Variants in DTNA observed in about 807,000 individuals in gnomAD.
The protein encoded by DTNA is dystrophin-related protein 3.
Under a neutral mutation model 100.7 loss-of-function variants are expected in DTNA, and 43 were observed. That is an observed-to-expected ratio of 0.43 (90% CI 0.33 to 0.55). The LOEUF (loss-of-function observed/expected upper bound fraction) is 0.55, where lower values mean the gene tolerates loss of function less well. Ranked by LOEUF, DTNA falls within the 20% of genes least tolerant of loss-of-function variation. DTNA has a pLI of 0.04. For missense variants in DTNA, 798 were observed against 953.9 expected (o/e 0.84, Z 2.15); for synonymous variants, 349 against 347.9 (o/e 1.00, Z -0.04).
chr18:34,722,973 G>A (rs529341088), intron 1 of DTNA, among the ~76,000 whole-genome samples: 15 of 151,890 alleles, frequency 9.9e-5, no homozygotes, highest in Non-Finnish European at 2.1e-4. Context: ...TGACTATTAC[G>A]AATAAAGCTA....
At chr18:34,699,161 A>G (rs557550174) in intron 1 of DTNA, among the ~76,000 whole-genome samples, 3 of 134,610 alleles carry the variant, frequency 2.2e-5, no homozygotes, top group East Asian at 1.9e-4. Flanking sequence ...TCACATGTGC[A>G]CACACACACA....
intron 1 of DTNA, among the ~76,000 whole-genome samples, chr18:34,506,555 C>A (rs758949155): frequency 2.0e-5 from 3 of 152,122 alleles, no homozygotes; most frequent in African/African-American, 4.8e-5. Flanking sequence ...TACAATAGAG[C>A]AGTTATTGCC....
chr18:34,626,695 G>C (rs9973036), intron 1 of DTNA, among the ~76,000 whole-genome samples: 7 of 152,138 alleles, frequency 4.6e-5, no homozygotes, highest in African/African-American at 1.4e-4. Context: ...ATAGATATTA[G>C]TGATAAGGAG....
intron 13 of DTNA, among the ~76,000 whole-genome samples, chr18:34,844,383 T>C (rs1298377166): frequency 6.6e-6 from 1 of 152,112 alleles, no homozygotes; most frequent in Admixed American, 6.6e-5. Flanking sequence ...TCTTCAGTAC[T>C]GTAAAACCAT....
At chr18:34,503,506 G>A (rs1003290913) in intron 1 of DTNA, among the ~76,000 whole-genome samples, 12 of 151,640 alleles carry the variant, frequency 7.9e-5, no homozygotes, top group East Asian at 1.9e-4. Context: ...GGATGGTCTC[G>A]ATCTCCCGAC....
At chr18:34,874,225 C>T (rs1029338269) in intron 17 of DTNA, among the ~76,000 whole-genome samples, 2 of 152,144 alleles carry the variant, frequency 1.3e-5, no homozygotes, top group Admixed American at 1.3e-4. Context: ...TTAATGATGA[C>T]TCTCTGGGCC....
At chr18:34,585,424 A>T (rs2049029400) in intron 1 of DTNA, among the ~76,000 whole-genome samples, 1 of 152,246 alleles carries the variant, frequency 6.6e-6, no homozygotes, top group African/African-American at 2.4e-5. Context: ...AAAGAAATGT[A>T]ATCATACATT....
At chr18:34,805,018 C>A (rs980404068) in intron 4 of DTNA, among the ~76,000 whole-genome samples, 5 of 152,128 alleles carry the variant, frequency 3.3e-5, no homozygotes, top group African/African-American at 1.2e-4. Context: ...ATTCCATGTA[C>A]TAAAGCTTTG....
intron 3 of DTNA, among the ~76,000 whole-genome samples, chr18:34,786,562 C>T (rs2094515327): frequency 6.6e-6 from 1 of 152,142 alleles, no homozygotes; most frequent in African/African-American, 2.4e-5. Flanking sequence ...AGACACCAGT[C>T]ACCCTCACTT....
intron 1 of DTNA, among the ~76,000 whole-genome samples, chr18:34,703,710 T>C (rs78726603): frequency 1.1e-3 from 173 of 152,314 alleles, no homozygotes; most frequent in African/African-American, 4.1e-3. Context: ...GTGCCTGTTA[T>C]CTTTATATTT....
At chr18:34,507,258 C>T (rs2040583264) in intron 1 of DTNA, among the ~76,000 whole-genome samples, 1 of 152,168 alleles carries the variant, frequency 6.6e-6, no homozygotes, top group Non-Finnish European at 1.5e-5. Flanking sequence ...CCAGCTCTTG[C>T]TCTACTCTCA....
At chr18:34,755,656 T>G (rs1601506496) in intron 1 of DTNA, 3 of 323,528 alleles carry the variant, frequency 9.3e-6, no homozygotes, top group East Asian at 7.7e-5. Context: ...AAAGAGAAAC[T>G]GAATGGGAAA....
intron 15 of DTNA, among the ~76,000 whole-genome samples, chr18:34,856,251 CAG>C (rs918095763): frequency 2.6e-5 from 4 of 152,166 alleles, no homozygotes; most frequent in African/African-American, 9.7e-5. Flanking sequence ...CTAGACATCC[CAG>C]GGCCAAAAGC....
chr18:34,694,128 AG>A (rs1161231369), intron 1 of DTNA, among the ~76,000 whole-genome samples: 1 of 149,724 alleles, frequency 6.7e-6, no homozygotes, highest in African/African-American at 2.6e-5. Context: ...ACAGTATTTT[AG>A]AAAAAAAAAT....
intron 13 of DTNA, among the ~76,000 whole-genome samples, chr18:34,844,104 G>C (rs1009852460): frequency 6.6e-6 from 1 of 152,070 alleles, no homozygotes; most frequent in African/African-American, 2.4e-5. Flanking sequence ...GTCACATCAG[G>C]AACAGTTGGA....
At chr18:34,678,408 G>A (rs943809168) in intron 1 of DTNA, among the ~76,000 whole-genome samples, 14 of 152,054 alleles carry the variant, frequency 9.2e-5, no homozygotes, top group African/African-American at 3.4e-4. Context: ...AGAAGCAGAA[G>A]GCACCCATCA....
intron 1 of DTNA, among the ~76,000 whole-genome samples, chr18:34,677,700 A>G (rs187384760): frequency 1.7e-3 from 257 of 152,258 alleles, no homozygotes; most frequent in African/African-American, 6.1e-3. Context: ...TTAAAAAAGC[A>G]TGTACTTTAA....
intron 21 of DTNA, among the ~76,000 whole-genome samples, chr18:34,883,562 G>A (rs200606645): frequency 1.1e-4 from 16 of 151,764 alleles, no homozygotes; most frequent in South Asian, 4.2e-4. Context: ...CTCCCACCCC[G>A]GCCTCCCAAA....
intron 1 of DTNA, among the ~76,000 whole-genome samples, chr18:34,556,559 A>G (rs1601820108): frequency 6.6e-6 from 1 of 152,028 alleles, no homozygotes; most frequent in South Asian, 2.1e-4. Context: ...CTTTTAGGGC[A>G]GGCCTGGTGG....
Sources: allele counts gnomAD v4.1 joint callset (sites outside exome capture counted in the v4.1 genomes callset), GRCh38; gene constraint gnomAD v4.1.1; transcripts MANE v1.5; gene names NCBI Gene and HGNC (gene_info 2026-07-23, HGNC 2026-07-21).